Variants in RBMS3 observed in about 807,000 individuals in gnomAD.
RBMS3 encodes the protein RNA binding motif single stranded interacting protein 3.
Under a neutral mutation model 66.8 loss-of-function variants are expected in RBMS3, and 27 were observed. That is an observed-to-expected ratio of 0.40 (90% CI 0.30 to 0.56). The LOEUF is 0.56. RBMS3 is among the 20% of genes least tolerant of loss of function. The pLI, the probability that RBMS3 is intolerant of heterozygous loss-of-function variation, is 0.40. For synonymous variants in RBMS3, 188 were observed against 183.0 expected, an observed-to-expected ratio of 1.03 and a Z score of -0.22; for missense variants, 513 against 549.5, an observed-to-expected ratio of 0.93 and a Z score of 0.66.
chr3:29,637,339 C>T (rs1031765948), intron 4 of RBMS3, among the ~76,000 whole-genome samples: 3 of 151,786 alleles, frequency 2.0e-5, no homozygotes, highest in African/African-American at 7.3e-5. Context: ...AGTTGATATG[C>T]TCTACCCACC....
chr3:29,594,390 C>T (rs1309202558), intron 4 of RBMS3, among the ~76,000 whole-genome samples: 1 of 152,112 alleles, frequency 6.6e-6, no homozygotes, highest in Non-Finnish European at 1.5e-5. Context: ...AAGACACCTT[C>T]CTCTACAGTT....
intron 1 of RBMS3, among the ~76,000 whole-genome samples, chr3:29,431,303 T>C (rs1230101901): frequency 1.4e-5 from 2 of 146,328 alleles, no homozygotes; most frequent in African/African-American, 2.5e-5. Flanking sequence ...TTCCTTTTCT[T>C]TTTTTTTTTT....
At chr3:29,865,088 G>C (rs1383171193) in intron 6 of RBMS3, among the ~76,000 whole-genome samples, 1 of 138,746 alleles carries the variant, frequency 7.2e-6, no homozygotes, top group African/African-American at 3.0e-5. Context: ...AAGGAAGAAA[G>C]GAAGGGAGGG....
intron 6 of RBMS3, among the ~76,000 whole-genome samples, chr3:29,841,549 A>G (rs1168762536): frequency 3.9e-5 from 6 of 151,986 alleles, no homozygotes; most frequent in African/African-American, 1.4e-4. Context: ...GTTTAGATTC[A>G]CCTTCACAGA....
At chr3:29,593,448 A>G (rs538065134) in intron 4 of RBMS3, among the ~76,000 whole-genome samples, 1 of 152,186 alleles carries the variant, frequency 6.6e-6, no homozygotes, top group Non-Finnish European at 1.5e-5. Context: ...CTCCCTATGT[A>G]GGAAGGAAAG....
At chr3:29,429,976 G>A (rs1160418545) in intron 1 of RBMS3, among the ~76,000 whole-genome samples, 1 of 151,726 alleles carries the variant, frequency 6.6e-6, no homozygotes, top group South Asian at 2.1e-4. Context: ...TTAAGATTCT[G>A]TAGTTTGGTC....
rs199585039 is a variant in RBMS3 at position 29,451,837 on chromosome 3, G to T, written c.248+16922G>T. ...AACTGTTTTTCAAGAAAGTTTCCAA[G>T]CATACCACGTTCATGTTGTTGCAGC... is the stretch of plus-strand genomic sequence containing the variant. On this transcript the variant is annotated intron_variant, in intron 2 of 14. Coordinates refer to ENST00000383767, the MANE Select transcript of RBMS3 (RefSeq NM_001003793.3). 2.6e-5 allele frequency among the ~76,000 whole-genome samples: 4 copies of T among 152,296 alleles called. No homozygotes were observed. The East Asian group carries it at 7.7e-4, about 29-fold the overall frequency.
chr3:29,709,360 C>T (rs1218019688), intron 4 of RBMS3, among the ~76,000 whole-genome samples: 1 of 152,148 alleles, frequency 6.6e-6, no homozygotes, highest in Non-Finnish European at 1.5e-5. Context: ...CAGAAATGTT[C>T]CGTGAATGAG....
intron 6 of RBMS3, among the ~76,000 whole-genome samples, chr3:29,772,026 A>G (rs2056227632): frequency 6.6e-6 from 1 of 151,990 alleles, no homozygotes. Flanking sequence ...GGGTGGGCCC[A>G]GTGTAATTAG....
chr3:29,422,855 G>A (rs1298802380), intron 1 of RBMS3, among the ~76,000 whole-genome samples: 3 of 152,016 alleles, frequency 2.0e-5, no homozygotes, highest in African/African-American at 7.3e-5. Flanking sequence ...TCTTCTTGAG[G>A]AAATTATTAT....
chr3:29,459,635 G>T (rs956272221), intron 2 of RBMS3, among the ~76,000 whole-genome samples: 1 of 152,190 alleles, frequency 6.6e-6, no homozygotes, highest in African/African-American at 2.4e-5. Flanking sequence ...GAAACAAAAA[G>T]TGATTAGAGT....
At chr3:29,890,804 G>A (rs1435893383) in intron 8 of RBMS3, among the ~76,000 whole-genome samples, 2 of 151,550 alleles carry the variant, frequency 1.3e-5, no homozygotes, top group East Asian at 1.9e-4. Flanking sequence ...TCTCTGGGAA[G>A]GGCCAACACA....
intron 1 of RBMS3, among the ~76,000 whole-genome samples, chr3:29,302,201 G>A (rs1403790914): frequency 6.6e-6 from 1 of 151,790 alleles, no homozygotes; most frequent in Non-Finnish European, 1.5e-5. Flanking sequence ...CTGTAGAGAT[G>A]AATTATCACT....
intron 4 of RBMS3, among the ~76,000 whole-genome samples, chr3:29,731,410 A>G (rs1217945909): frequency 2.0e-5 from 3 of 152,238 alleles, no homozygotes; most frequent in Admixed American, 2.0e-4. Context: ...ACCATGCAGA[A>G]CTAACAAAAG....
At chr3:29,605,967 A>AG (rs1186077413) in intron 4 of RBMS3, among the ~76,000 whole-genome samples, 7 of 129,332 alleles carry the variant, frequency 5.4e-5, no homozygotes, top group Admixed American at 3.9e-4. Context: ...GAAACAAGGT[A>AG]GTTTTTTTTT....
chr3:29,762,898 T>A lies in RBMS3; in HGVS notation c.558-12T>A, dbSNP rs557257146. 10 of 1,555,960 alleles carry A rather than the reference T, an allele frequency of 6.4e-6. No individual in the cohort carries two copies. In the African/African-American group the frequency reaches 8.2e-5, roughly 13 times the overall value. On this transcript the variant is annotated splice_polypyrimidine_tract_variant and intron_variant, in intron 5 of 14. Transcript: ENST00000383767. The stretch of plus-strand genomic sequence containing the variant: ...AACCATATATGACCTCTGGTTTACC[T>A]TTTTTTCCCAGAATGGAGTCTACTG...
chr3:29,696,087 A>G (rs1456375475), intron 4 of RBMS3, among the ~76,000 whole-genome samples: 1 of 152,140 alleles, frequency 6.6e-6, no homozygotes, highest in Non-Finnish European at 1.5e-5. Context: ...GTCTTCTGTT[A>G]ACTCCCTTAG....
chr3:29,953,556 T>G (rs1212360217), intron 12 of RBMS3, among the ~76,000 whole-genome samples: 1 of 151,998 alleles, frequency 6.6e-6, no homozygotes, highest in Non-Finnish European at 1.5e-5. Context: ...TTAAATGTCC[T>G]TGGTGAAATA....
chr3:29,956,929 C>T (rs1021867488), intron 12 of RBMS3, among the ~76,000 whole-genome samples: 17 of 152,054 alleles, frequency 1.1e-4, no homozygotes, highest in Admixed American at 5.9e-4. Flanking sequence ...TCTGTTCTCC[C>T]GCCATAATGA....
Sources: allele counts gnomAD v4.1 joint callset (sites outside exome capture counted in the v4.1 genomes callset), GRCh38; gene constraint gnomAD v4.1.1; transcripts MANE v1.5; gene names NCBI Gene and HGNC (gene_info 2026-07-23, HGNC 2026-07-21).